Variants in LAMB1 observed in about 807,000 individuals in gnomAD.
The protein encoded by LAMB1 is laminin subunit beta 1.
A neutral mutation model predicts 222.3 loss-of-function variants in LAMB1; 121 were observed. The ratio of observed to expected loss-of-function variants is 0.54; its 90% CI spans 0.47 to 0.63. LAMB1 has a LOEUF of 0.63. Among genes scored for constraint, LAMB1 ranks in the 30% least tolerant of loss-of-function variants. The pLI is 0.00. For missense variants in LAMB1, 2,172 were observed against 2,240.8 expected, an observed-to-expected ratio of 0.97 and a Z score of 0.62; for synonymous variants, 794 against 807.2, an observed-to-expected ratio of 0.98 and a Z score of 0.28.
At chr7:107,982,914 A>C (rs1353705490) in intron 7 of LAMB1, among the ~76,000 whole-genome samples, 1 of 152,228 alleles carries the variant, frequency 6.6e-6, no homozygotes, top group Non-Finnish European at 1.5e-5. Flanking sequence ...ACAAAAGACA[A>C]AAGAATCAAA....
intron 10 of LAMB1, 48 bp downstream of exon 10, chr7:107,975,641 G>C (rs752913322): frequency 6.6e-7 from 1 of 1,518,872 alleles, no homozygotes; most frequent in East Asian, 2.3e-5. Flanking sequence ...CAGTTTGGAA[G>C]GCAATCTGAA....
intron 5 of LAMB1, among the ~76,000 whole-genome samples, chr7:107,988,861 T>A (rs1289728336): frequency 6.6e-6 from 1 of 152,164 alleles, no homozygotes; most frequent in Admixed American, 6.5e-5. Flanking sequence ...CACCTTACCC[T>A]GAGATTCCTA....
Position 108,002,875 on chromosome 7 carries a change from A to G in LAMB1, c.11T>C (p.Leu4Pro). 1 of 1,614,110 alleles carries G rather than the reference A, an allele frequency of 6.2e-7. No individual in the cohort carries two copies. The highest frequency in any genetic ancestry group is 8.5e-7 in the Non-Finnish European group (1 of 1,180,004). ...TAAGAAACTGAAAGCTAGCAACTGG[A>G]GAAGCCCCATGCCGGCTCCCTGCAG... MGLLQLLAFSFLAL... is the reference protein window; with the variant it reads MGLPQLLAFSFLAL... The change falls in exon 2 of 34, where the codon CTC becomes CCC. Residue 4 changes from leucine to proline, a missense_variant. Coordinates refer to ENST00000222399, the MANE Select transcript of LAMB1 (RefSeq NM_002291.3).
chr7:108,001,114 C>T (rs2034373767), intron 3 of LAMB1, among the ~76,000 whole-genome samples: 1 of 152,068 alleles, frequency 6.6e-6, no homozygotes, highest in South Asian at 2.1e-4. Flanking sequence ...AAAACGGGTT[C>T]GTTCAGTGAT....
At chr7:107,948,832 G>A (rs1221318532) in intron 24 of LAMB1, among the ~76,000 whole-genome samples, 1 of 152,096 alleles carries the variant, frequency 6.6e-6, no homozygotes. Context: ...GGATTGGCCA[G>A]CATAATAGGC....
chr7:107,984,938 A>C (rs540485268), intron 7 of LAMB1, among the ~76,000 whole-genome samples: 2 of 152,326 alleles, frequency 1.3e-5, no homozygotes, highest in East Asian at 3.9e-4. Flanking sequence ...TGGTAAGCTT[A>C]ATTATGGCAA....
intron 27 of LAMB1, 175 bp from the exon 28 acceptor site, chr7:107,932,552 C>T (rs2032740007): frequency 1.6e-6 from 1 of 618,962 alleles, no homozygotes; most frequent in Non-Finnish European, 2.9e-6. Flanking sequence ...TAGGAGTAAA[C>T]TAACCTGCTT....
chr7:107,951,439 C>T (rs2033248337), intron 23 of LAMB1, 117 bp from the exon 24 acceptor site: 1 of 852,404 alleles, frequency 1.2e-6, no homozygotes, highest in African/African-American at 1.7e-5. Context: ...AGAAGGTCTC[C>T]ATTGACTAGG....
rs372496723 is a variant in LAMB1 at position 108,002,802 on chromosome 7, C to G, written c.37+47G>C. On this transcript the variant is annotated intron_variant, in intron 2 of 33. Coordinates refer to ENST00000222399, the MANE Select transcript of LAMB1 (RefSeq NM_002291.3). ...CAAGCAGCTTTTGGGTTTTCCTTCCCCATGCCCAAGTCCGTCCGCCTCCCC... is the reference window on the plus strand; with the variant it reads ...CAAGCAGCTTTTGGGTTTTCCTTCCGCATGCCCAAGTCCGTCCGCCTCCCC... 114 of 1,613,342 alleles carry G rather than the reference C, an allele frequency of 7.1e-5. No individual in the cohort carries two copies. The African/African-American group carries it at 1.5e-3, about 21-fold the overall frequency.
intron 28 of LAMB1, 37 bp downstream of exon 28, chr7:107,932,137 C>T: frequency 6.3e-7 from 1 of 1,586,654 alleles, no homozygotes; most frequent in Non-Finnish European, 8.7e-7. Flanking sequence ...TGAAAGCAAA[C>T]ATACATAACA....
Position 107,937,227 on chromosome 7 carries a change from A to G in LAMB1, c.3812T>C (p.Leu1271Ser), listed in dbSNP as rs1562977563. 6.2e-7 allele frequency: 1 copy of G among 1,614,078 alleles called. No individual in the cohort carries two copies. The highest frequency in any genetic ancestry group is 8.5e-7 in the Non-Finnish European group (1 of 1,179,944). ...GTTGCTTTGGGAAGTTGTGTCAGAT[A>G]ATTTCACTTCTACTTGAGCCATCAT... ...TEMMAQVEVKLSDTTSQSNST... is the reference protein window; with the variant it reads ...TEMMAQVEVKSSDTTSQSNST... The change falls in exon 26 of 34, where the codon TTA becomes TCA. Residue 1271 changes from leucine (L) to serine (S), a missense_variant. Transcript: ENST00000222399.
intron 2 of LAMB1, chr7:108,002,522 G>A (rs2034411448): frequency 3.8e-6 from 4 of 1,059,892 alleles, no homozygotes; most frequent in Non-Finnish European, 5.1e-6. Context: ...GGTCAGCACC[G>A]CCAACCCCAG....
In LAMB1 at chr7:107,937,115, A is replaced by T. The variant is rs1394314164; in HGVS notation, c.3924T>A (p.Phe1308Leu). 1 of 1,613,760 alleles carries T rather than the reference A, an allele frequency of 6.2e-7. No individual in the cohort carries two copies. The highest frequency in any genetic ancestry group is 1.1e-5 in the South Asian group (1 of 90,924). ...CACCCCGAATATCTGAGTTTTTGAT[A>T]AATTCCAGTTGTTCAGCAAGTTCTT... ...TVKELAEQLE[F>L]IKNSDIRGAL... The change falls in exon 26 of 34, where the codon TTT (phenylalanine) becomes TTA (leucine). Residue 1308 changes from phenylalanine (F) to leucine (L), a missense_variant. Physicochemically the swap from Phe to Leu is conservative, Grantham distance 22. Coordinates refer to ENST00000222399, the MANE Select transcript of LAMB1 (RefSeq NM_002291.3).
intron 2 of LAMB1, 183 bp from the exon 3 acceptor site, chr7:108,001,916 C>T: frequency 6.8e-7 from 1 of 1,461,252 alleles, no homozygotes; most frequent in Non-Finnish European, 9.1e-7. Flanking sequence ...GCAGGGACTC[C>T]GAAAGGAGAA....
chr7:108,002,347 G>C (rs752596975), intron 2 of LAMB1: 23 of 1,316,096 alleles, frequency 1.7e-5, no homozygotes, highest in South Asian at 2.5e-5. Flanking sequence ...TGGTTTCAAG[G>C]CTTCTCCATT....
At chr7:107,941,965 C>T (rs973131110) in intron 24 of LAMB1, among the ~76,000 whole-genome samples, 2 of 149,974 alleles carry the variant, frequency 1.3e-5, no homozygotes, top group African/African-American at 4.9e-5. Context: ...GTGTGAGCCA[C>T]TCTTGGGTCA....
chr7:107,996,521 CTT>C (rs1364410691), intron 4 of LAMB1, among the ~76,000 whole-genome samples: 1 of 152,168 alleles, frequency 6.6e-6, no homozygotes, highest in Non-Finnish European at 1.5e-5. Context: ...TTCATAAACT[CTT>C]AAACTGTGAT....
At position 107,964,540 on chromosome 7, in the gene LAMB1, T is replaced by C. The variant is rs1304885879; in HGVS notation, c.1698+12A>G. 1 of 1,613,892 alleles carries C rather than the reference T, an allele frequency of 6.2e-7. No individual in the cohort carries two copies. The highest frequency in any genetic ancestry group is 8.5e-7 in the Non-Finnish European group (1 of 1,179,930). On this transcript the variant is annotated intron_variant, in intron 14 of 33. Coordinates refer to ENST00000222399, the MANE Select transcript of LAMB1 (RefSeq NM_002291.3). Reference sequence around the variant, plus strand: ...ACTGCTTTACCGACCTGCCACACACTCCCCTACTCACAGGCCCCAAGTTGG... The same window carrying C: ...ACTGCTTTACCGACCTGCCACACACCCCCCTACTCACAGGCCCCAAGTTGG...
chr7:107,973,093 A>C (rs1439456409), intron 12 of LAMB1, 22 bp from the exon 13 acceptor site: 115 of 1,596,844 alleles, frequency 7.2e-5, no homozygotes, highest in Non-Finnish European at 9.9e-5. Flanking sequence ...AACGTGAAAC[A>C]TGTAACGGTA....
Sources: allele counts gnomAD v4.1 joint callset (sites outside exome capture counted in the v4.1 genomes callset), GRCh38; gene constraint gnomAD v4.1.1; transcripts MANE v1.5; gene names NCBI Gene and HGNC (gene_info 2026-07-23, HGNC 2026-07-21).